Variants in ZBTB7C observed in about 807,000 individuals in gnomAD.
ZBTB7C encodes the protein zinc finger and BTB domain containing 7C.
ZBTB7C carries 8 observed loss-of-function variants against 25.7 expected under a neutral mutation model. The observed-to-expected ratio is 0.31, with a 90% CI of 0.18 to 0.56. The LOEUF (loss-of-function observed/expected upper bound fraction) is 0.56, where lower values mean the gene tolerates loss of function less well. Ranked by LOEUF, ZBTB7C falls within the 20% of genes least tolerant of loss-of-function variation. ZBTB7C has a pLI of 0.91. For synonymous variants in ZBTB7C, 394 were observed against 369.0 expected (o/e 1.07, Z -0.78); for missense variants, 824 against 855.2 (o/e 0.96, Z 0.46).
At chr18:48,078,716 G>A (rs1305958627) in intron 3 of ZBTB7C, among the ~76,000 whole-genome samples, 1 of 152,190 alleles carries the variant, frequency 6.6e-6, no homozygotes, top group East Asian at 1.9e-4. Context: ...AGCAGGGTGG[G>A]GGGCTCTGGG....
intron 4 of ZBTB7C, among the ~76,000 whole-genome samples, chr18:48,032,169 A>G: frequency 6.6e-6 from 1 of 152,060 alleles, no homozygotes; most frequent in East Asian, 1.9e-4. Flanking sequence ...GCTGGAGTAC[A>G]GTGGCATGAT....
intron 2 of ZBTB7C, among the ~76,000 whole-genome samples, chr18:48,278,155 C>T (rs544510456): frequency 5.9e-5 from 9 of 152,314 alleles, no homozygotes; most frequent in African/African-American, 1.4e-4. Context: ...CTGGGCTTGA[C>T]GTGATCTTGC....
At chr18:48,402,271 A>T (rs901241802) in intron 1 of ZBTB7C, among the ~76,000 whole-genome samples, 2 of 152,098 alleles carry the variant, frequency 1.3e-5, no homozygotes, top group Admixed American at 1.3e-4. Context: ...AGGTAAAAAA[A>T]AAAAAAAAGG....
chr18:48,399,530 G>A (rs1469673901), intron 1 of ZBTB7C, among the ~76,000 whole-genome samples: 2 of 152,190 alleles, frequency 1.3e-5, no homozygotes, highest in African/African-American at 4.8e-5. Context: ...AGGACTGGCC[G>A]GTGGGGTGGC....
chr18:48,355,563 C>T (rs779170495), intron 1 of ZBTB7C, among the ~76,000 whole-genome samples: 6 of 152,164 alleles, frequency 3.9e-5, no homozygotes, highest in Admixed American at 6.5e-5. Context: ...CAGACCTGCT[C>T]GGGGCTTCCC....
At chr18:48,114,866 T>A (rs1011845081) in intron 3 of ZBTB7C, among the ~76,000 whole-genome samples, 2 of 152,240 alleles carry the variant, frequency 1.3e-5, no homozygotes, top group African/African-American at 4.8e-5. Flanking sequence ...AAAGTTCAAA[T>A]ACTGTCAAAA....
intron 3 of ZBTB7C, among the ~76,000 whole-genome samples, chr18:48,174,929 T>C (rs1490292591): frequency 6.6e-6 from 1 of 152,146 alleles, no homozygotes; most frequent in Non-Finnish European, 1.5e-5. Context: ...AACAATTAAA[T>C]TGGTTACCTA....
At chr18:48,205,445 G>A (rs376744976) in intron 2 of ZBTB7C, among the ~76,000 whole-genome samples, 7 of 151,856 alleles carry the variant, frequency 4.6e-5, no homozygotes, top group African/African-American at 1.7e-4. Context: ...GAGGTACTAT[G>A]TTCATGAGTT....
intron 3 of ZBTB7C, among the ~76,000 whole-genome samples, chr18:48,062,797 T>G (rs1016812649): frequency 1.3e-5 from 2 of 152,146 alleles, no homozygotes; most frequent in African/African-American, 2.4e-5. Context: ...GACAGGGCCT[T>G]TTATGGTTGA....
chr18:48,100,596 C>T (rs1295085662), intron 3 of ZBTB7C, among the ~76,000 whole-genome samples: 2 of 152,074 alleles, frequency 1.3e-5, no homozygotes, highest in Non-Finnish European at 2.9e-5. Flanking sequence ...TTTTTTTAGC[C>T]TTAATTGCTA....
At chr18:48,162,955 TG>T (rs149247159) in intron 3 of ZBTB7C, among the ~76,000 whole-genome samples, 21,517 of 152,206 alleles carry the variant, frequency 0.14, 1,676 homozygotes, top group South Asian at 0.23. Flanking sequence ...TAGGAAGGGC[TG>T]AGGGAGGGCA....
At chr18:48,171,907 AT>A (rs1192769585) in intron 3 of ZBTB7C, among the ~76,000 whole-genome samples, 1 of 152,246 alleles carries the variant, frequency 6.6e-6, no homozygotes, top group Non-Finnish European at 1.5e-5. Context: ...TTCAAGCTTA[AT>A]CCTTCCAGTC....
chr18:48,154,566 C>T (rs1436233431), intron 3 of ZBTB7C, among the ~76,000 whole-genome samples: 2 of 152,236 alleles, frequency 1.3e-5, no homozygotes, highest in African/African-American at 4.8e-5. Context: ...CCCTTTGGGT[C>T]TGGCATTTCC....
intron 2 of ZBTB7C, among the ~76,000 whole-genome samples, chr18:48,225,379 A>AAGGGAG (rs1457260834): frequency 1.3e-5 from 2 of 151,922 alleles, no homozygotes; most frequent in Non-Finnish European, 2.9e-5. Flanking sequence ...AGGAAGAGGA[A>AAGGGAG]AGGGAGAGGG....
chr18:48,388,730 C>G (rs529935109), intron 1 of ZBTB7C, among the ~76,000 whole-genome samples: 1 of 152,142 alleles, frequency 6.6e-6, no homozygotes, highest in Non-Finnish European at 1.5e-5. Flanking sequence ...GCCTGGGCAA[C>G]AGACCAATGC....
At chr18:48,037,024 C>T (rs2036002897) in intron 4 of ZBTB7C, among the ~76,000 whole-genome samples, 1 of 152,160 alleles carries the variant, frequency 6.6e-6, no homozygotes, top group South Asian at 2.1e-4. Context: ...GAGTGTCCCA[C>T]AAGGACAGCC....
Position 48,040,023 on chromosome 18 carries a change from GC to G in ZBTB7C, c.1084del (p.Ala362ProfsTer22). The stretch of plus-strand genomic sequence containing the variant: ...GTGGCAGATGGGGCACTGCTGAGAG[GC>G]CTTGGGCTTCAGCTTGCGCTCTTCT... ...LVEERKLKPK[A>X]SQQCPICHKV... On this transcript the variant is annotated frameshift_variant, in exon 4 of 5. Coordinates refer to ENST00000590800, the MANE Select transcript of ZBTB7C (RefSeq NM_001318841.2). LOFTEE classifies it high-confidence loss of function. The G allele has an allele frequency of 6.2e-7, 1 of 1,614,164 alleles. No individual in the cohort carries two copies. Among genetic ancestry groups the G allele is most frequent in the African/African-American group, 1.3e-5 (1 of 75,066 alleles).
At chr18:48,219,425 T>C (rs2042899955) in intron 2 of ZBTB7C, among the ~76,000 whole-genome samples, 1 of 152,190 alleles carries the variant, frequency 6.6e-6, no homozygotes, top group African/African-American at 2.4e-5. Context: ...ATTAATTCAT[T>C]TACTCCCTAC....
chr18:48,038,398 T>G (rs1598753362), intron 4 of ZBTB7C, among the ~76,000 whole-genome samples: 1 of 152,076 alleles, frequency 6.6e-6, no homozygotes. Flanking sequence ...TAATCAGTGT[T>G]TCCTTCAAAA....
Sources: allele counts gnomAD v4.1 joint callset (sites outside exome capture counted in the v4.1 genomes callset), GRCh38; gene constraint gnomAD v4.1.1; transcripts MANE v1.5; gene names NCBI Gene and HGNC (gene_info 2026-07-23, HGNC 2026-07-21).